NAV3: variants seen among roughly 807,000 people sequenced by gnomAD.
NAV3 encodes the protein neuron navigator 3, also known as pore membrane and/or filament interacting like protein 1.
A neutral mutation model predicts 244.7 loss-of-function variants in NAV3; 87 were observed. The observed-to-expected ratio is 0.36, with a 90% CI of 0.30 to 0.42. The LOEUF (loss-of-function observed/expected upper bound fraction) is 0.42, where lower values mean the gene tolerates loss of function less well. NAV3 is among the 20% of genes least tolerant of loss of function. The pLI is 1.00. For missense variants in NAV3, 2,663 were observed against 2,893.3 expected, an observed-to-expected ratio of 0.92 and a Z score of 1.83; for synonymous variants, 1,126 against 1,042.2, an observed-to-expected ratio of 1.08 and a Z score of -1.55.
At chr12:78,201,181 G>C (rs1959661748) in intron 38 of NAV3, among the ~76,000 whole-genome samples, 1 of 148,004 alleles carries the variant, frequency 6.8e-6, no homozygotes, top group Admixed American at 6.8e-5. Flanking sequence ...CCAGTGATGA[G>C]GCTTTCCAAG....
intron 5 of NAV3, among the ~76,000 whole-genome samples, chr12:77,975,821 G>A (rs1039005998): frequency 9.9e-5 from 15 of 152,178 alleles, no homozygotes; most frequent in African/African-American, 3.6e-4. Context: ...TGTGCCATGA[G>A]GAACATAAAC....
chr12:77,632,350 A>G (rs1546057), intron 2 of NAV3, among the ~76,000 whole-genome samples: 135,790 of 152,242 alleles, frequency 0.89, 60,625 homozygotes, highest in East Asian at 0.98. Flanking sequence ...AAGAGGTTTA[A>G]TGGACTCAGA....
chr12:77,770,745 C>T (rs927215297), intron 2 of NAV3, among the ~76,000 whole-genome samples: 2 of 152,124 alleles, frequency 1.3e-5, no homozygotes, highest in Non-Finnish European at 2.9e-5. Flanking sequence ...TTCCTTACAC[C>T]TTATACAAAA....
chr12:77,879,904 G>T (rs190785678), intron 1 of NAV3, among the ~76,000 whole-genome samples: 2 of 152,016 alleles, frequency 1.3e-5, no homozygotes, highest in South Asian at 2.1e-4. Context: ...AGAGATGTGC[G>T]TTCAAATGCT....
chr12:77,782,382 T>C (rs926978576), intron 2 of NAV3, among the ~76,000 whole-genome samples: 3 of 151,812 alleles, frequency 2.0e-5, no homozygotes, highest in African/African-American at 7.3e-5. Context: ...GATGTAGGTC[T>C]TCCATTTCTT....
At chr12:77,894,171 C>T (rs2136797359) in intron 1 of NAV3, among the ~76,000 whole-genome samples, 1 of 152,240 alleles carries the variant, frequency 6.6e-6, no homozygotes, top group Non-Finnish European at 1.5e-5. Flanking sequence ...CCAGCACTTG[C>T]CCAGATCTTT....
intron 1 of NAV3, among the ~76,000 whole-genome samples, chr12:77,892,398 C>A (rs1565895338): frequency 6.6e-6 from 1 of 151,880 alleles, no homozygotes; most frequent in Non-Finnish European, 1.5e-5. Flanking sequence ...GGGGGCAAGC[C>A]CTAAAATTAG....
At chr12:78,105,692 C>G (rs1954766082) in intron 12 of NAV3, among the ~76,000 whole-genome samples, 3 of 151,290 alleles carry the variant, frequency 2.0e-5, no homozygotes, top group African/African-American at 7.3e-5. Flanking sequence ...TATCTTTTTT[C>G]TTTCAGATAA....
intron 34 of NAV3, among the ~76,000 whole-genome samples, chr12:78,195,320 G>T: frequency 6.6e-6 from 1 of 151,154 alleles, no homozygotes; most frequent in South Asian, 2.1e-4. Context: ...ACACTTTTCA[G>T]GTTTCACTTT....
rs113965028 is a variant in NAV3 at position 78,095,736 on chromosome 12, T to C, written c.2637-21036T>C. ...AGCTTGTTGGCCAGTTGGATAGAGG[T>C]TGAGGTTATGCATGATGGAGCAATC... On this transcript the variant is annotated intron_variant, in intron 12 of 39. Coordinates refer to ENST00000397909, the MANE Select transcript of NAV3 (RefSeq NM_001024383.2). Among the ~76,000 whole-genome samples, 289 of 152,098 alleles carry C rather than the reference T, an allele frequency of 1.9e-3. 2 individuals carry two copies. The highest frequency in any genetic ancestry group is 6.1e-3 in the African/African-American group (253 of 41,500).
chr12:77,840,219 A>G (rs1875404044), intron 1 of NAV3, among the ~76,000 whole-genome samples: 1 of 152,224 alleles, frequency 6.6e-6, no homozygotes, highest in African/African-American at 2.4e-5. Flanking sequence ...CAATCTTAGG[A>G]TGTAGGATGC....
chr12:78,195,920 G>T (rs1459518560), intron 34 of NAV3, among the ~76,000 whole-genome samples: 2 of 151,956 alleles, frequency 1.3e-5, no homozygotes, highest in Non-Finnish European at 2.9e-5. Context: ...TAGTCCTCAT[G>T]TCCGGAAAAG....
intron 28 of NAV3, among the ~76,000 whole-genome samples, chr12:78,178,552 C>T (rs886099022): frequency 2.0e-5 from 3 of 151,992 alleles, no homozygotes; most frequent in African/African-American, 7.2e-5. Context: ...TTGTGGGGGA[C>T]TACTGTACAA....
chr12:77,861,119 G>T (rs1879196017), intron 1 of NAV3, among the ~76,000 whole-genome samples: 1 of 151,804 alleles, frequency 6.6e-6, no homozygotes, highest in Admixed American at 6.6e-5. Flanking sequence ...TGTCTCCTAT[G>T]TAGTAGAGAA....
rs761573878 is a variant in NAV3, at chr12:78,175,402, C to T, written c.5078C>T (p.Ser1693Phe). ...ATTGGCAGTGGTAATGATGCCGACT[C>T]CAAGAAGAAGAAAAAGAAAAACTGG... ...SSIGSGNDAD[S>F]KKKKKKNWVN... Residue 1693 changes from serine to phenylalanine, a missense_variant, in exon 25 of 40, where the codon TCC becomes TTC. By Grantham distance (155) the Ser-to-Phe change is radical. Transcript: ENST00000397909. 6 of 1,610,860 alleles carry T rather than the reference C, an allele frequency of 3.7e-6. No homozygotes were observed. In the Admixed American group the frequency reaches 1.0e-4, roughly 27 times the overall value.
intron 2 of NAV3, among the ~76,000 whole-genome samples, chr12:77,721,905 G>A (rs1218250571): frequency 6.6e-6 from 1 of 152,178 alleles, no homozygotes; most frequent in Non-Finnish European, 1.5e-5. Flanking sequence ...TCTGATTCAG[G>A]ACAGCCAACC....
chr12:77,831,545 T>A lies in NAV3; in HGVS notation c.84T>A (p.Asn28Lys), dbSNP rs766898325. ...TGCATACTGCTCTTCCGATACCAAA[T>A]CTTGGCACTACTGGGTCACAGCACT... ...KPVHTALPIP[N>K]LGTTGSQHCS... Residue 28 changes from asparagine to lysine, a missense_variant, in exon 1 of 40, where the codon AAT (asparagine) becomes AAA (lysine). Asn to Lys is a moderately conservative substitution (Grantham distance 94). Transcript: ENST00000397909. The A allele has an allele frequency of 1.2e-6, 2 of 1,614,122 alleles. No homozygotes were observed. The highest frequency in any genetic ancestry group is 2.2e-5 in the South Asian group (2 of 91,072).
At chr12:77,776,564 C>T (rs571894016) in intron 2 of NAV3, among the ~76,000 whole-genome samples, 5 of 152,240 alleles carry the variant, frequency 3.3e-5, no homozygotes, top group African/African-American at 4.8e-5. Context: ...AGTAGAAGGA[C>T]GATCTTATGA....
intron 1 of NAV3, among the ~76,000 whole-genome samples, chr12:77,855,521 A>G (rs1029155731): frequency 1.3e-5 from 2 of 152,226 alleles, no homozygotes; most frequent in African/African-American, 2.4e-5. Flanking sequence ...ATTCTATAAT[A>G]CTTTGCAGCT....
Sources: gnomAD v4.1 joint callset for allele counts (sites outside exome capture counted in the v4.1 genomes callset) on GRCh38, gnomAD v4.1.1 for gene constraint, MANE v1.5 for transcripts, NCBI Gene and HGNC (gene_info 2026-07-23, HGNC 2026-07-21) for gene names.